The following GPR89A variants were observed in gnomAD, a reference collection of about 807,000 sequenced individuals.
GPR89A encodes the protein G protein-coupled receptor 89A.
Under a neutral mutation model 52.0 loss-of-function variants are expected in GPR89A, and 16 were observed. The ratio of observed to expected loss-of-function variants is 0.31; its 90% confidence interval spans 0.21 to 0.47. The LOEUF is 0.47. GPR89A is among the 20% of genes least tolerant of loss of function. The probability of loss-of-function intolerance (pLI) is 1.00; values close to 1 mark genes in which losing one functional copy is unlikely to be tolerated. For missense variants in GPR89A, 135 were observed against 449.4 expected, an observed-to-expected ratio of 0.30 and a Z score of 6.33; for synonymous variants, 55 against 150.9, an observed-to-expected ratio of 0.36 and a Z score of 4.66.
intron 7 of GPR89A, among the ~76,000 whole-genome samples, chr1:145,635,112 C>T (rs1571498014): frequency 6.6e-6 from 1 of 152,204 alleles, no homozygotes; most frequent in East Asian, 1.9e-4. Context: ...TAAGAGATAA[C>T]ATTAGACATA....
chr1:145,663,559 G>A (rs587673927), intron 11 of GPR89A, 135 bp downstream of exon 11: 75 of 655,722 alleles, frequency 1.1e-4, no homozygotes, highest in East Asian at 6.7e-4. Context: ...ATATTTTGAC[G>A]TATTCACATG....
chr1:145,643,322 C>T (rs1426294540), intron 7 of GPR89A, among the ~76,000 whole-genome samples: 2 of 150,726 alleles, frequency 1.3e-5, no homozygotes, highest in Non-Finnish European at 3.0e-5. Context: ...TGGGTCACCA[C>T]GCCCAGCTAA....
At chr1:145,641,737 G>A (rs1650668796) in intron 7 of GPR89A, among the ~76,000 whole-genome samples, 1 of 151,582 alleles carries the variant, frequency 6.6e-6, no homozygotes, top group Non-Finnish European at 1.5e-5. Context: ...ATGACATTGG[G>A]CTAATAACAA....
intron 1 of GPR89A, among the ~76,000 whole-genome samples, chr1:145,610,137 G>A (rs587633127): frequency 6.6e-6 from 1 of 152,060 alleles, no homozygotes; most frequent in African/African-American, 2.4e-5. Context: ...GAGTTGTAGT[G>A]AATATTTGTT....
intron 8 of GPR89A, chr1:145,645,424 CG>C (rs1190331116): frequency 2.8e-6 from 1 of 360,444 alleles, no homozygotes; most frequent in Non-Finnish European, 5.4e-6. Flanking sequence ...GCCAATAATA[CG>C]GGTTTGAGCT....
intron 10 of GPR89A, among the ~76,000 whole-genome samples, chr1:145,657,966 T>A (rs1553694790): frequency 6.6e-6 from 1 of 151,946 alleles, no homozygotes; most frequent in African/African-American, 2.4e-5. Context: ...TTTTGAACAT[T>A]TTTATCAAGC....
At chr1:145,647,792 A>C in intron 10 of GPR89A, among the ~76,000 whole-genome samples, 1 of 66,004 alleles carries the variant, frequency 1.5e-5, no homozygotes, top group Non-Finnish European at 2.7e-5. Context: ...GGAGAGGGCG[A>C]GACTCCATCT....
At chr1:145,629,732 G>A (rs1188423652) in intron 5 of GPR89A, among the ~76,000 whole-genome samples, 3 of 151,694 alleles carry the variant, frequency 2.0e-5, no homozygotes, top group Non-Finnish European at 4.4e-5. Flanking sequence ...CAGCAAGCCT[G>A]GAGTCCAAGC....
intron 10 of GPR89A, among the ~76,000 whole-genome samples, chr1:145,657,390 CAA>C (rs782628681): frequency 8.7e-6 from 1 of 114,464 alleles, no homozygotes. Context: ...GACTCTGTCT[CAA>C]AAAAAAAAAA....
chr1:145,669,548 G>T (rs1157227147), intron 12 of GPR89A, 77 bp from the exon 13 acceptor site: 2 of 1,461,388 alleles, frequency 1.4e-6, no homozygotes, highest in African/African-American at 2.9e-5. Context: ...TTAATCAAAT[G>T]TTAACCATAT....
At chr1:145,655,492 T>C (rs1238586136) in intron 10 of GPR89A, among the ~76,000 whole-genome samples, 1 of 152,080 alleles carries the variant, frequency 6.6e-6, no homozygotes, top group African/African-American at 2.4e-5. Flanking sequence ...TTGTGGGGTC[T>C]TTTTTTGTTG....
At chr1:145,665,799 C>T in intron 12 of GPR89A, 148 bp downstream of exon 12, 1 of 499,238 alleles carries the variant, frequency 2.0e-6, no homozygotes. Context: ...TCGAGTCCAT[C>T]CTAGCCAACA....
chr1:145,610,047 T>G (rs1648144096), intron 1 of GPR89A, among the ~76,000 whole-genome samples: 1 of 152,190 alleles, frequency 6.6e-6, no homozygotes, highest in Non-Finnish European at 1.5e-5. Flanking sequence ...GTTTGTTATC[T>G]GTCCATGAGG....
At chr1:145,615,798 T>C (rs1262505541) in intron 1 of GPR89A, among the ~76,000 whole-genome samples, 1 of 151,948 alleles carries the variant, frequency 6.6e-6, no homozygotes, top group African/African-American at 2.4e-5. Flanking sequence ...TTTTGTATTT[T>C]CAGTAGAGAC....
chr1:145,608,064 C>T lies in GPR89A; in HGVS notation c.-70C>T, dbSNP rs1187651928. 9 of 1,587,108 alleles carry T rather than the reference C, an allele frequency of 5.7e-6. No individual in the cohort carries two copies. Among genetic ancestry groups the T allele is most frequent in the East Asian group, 2.2e-5 (1 of 44,678 alleles). ...GGAGAAGGCAGACCGTGTGAGGGGG[C>T]CTGTGGCCCCAGCGTGCTGTGGCCT... On this transcript the variant is annotated 5_prime_UTR_variant, in exon 1 of 14. Coordinates refer to ENST00000313835, the MANE Select transcript of GPR89A (RefSeq NM_001097612.2).
rs587714869 is a variant in GPR89A, at chr1:145,666,873, G to A, written c.1095+1222G>A. ...CCAGCTTCATCCATGTCCCTACAAAGGACATGAACTCATCCTTTTTTGTGG... is the reference window on the plus strand; with the variant it reads ...CCAGCTTCATCCATGTCCCTACAAAAGACATGAACTCATCCTTTTTTGTGG... On this transcript the variant is annotated intron_variant, in intron 12 of 13. Coordinates refer to ENST00000313835, the MANE Select transcript of GPR89A (RefSeq NM_001097612.2). Among the ~76,000 whole-genome samples, 10 of 152,158 alleles carry A rather than the reference G, an allele frequency of 6.6e-5. No individual in the cohort carries two copies. In the East Asian group the frequency reaches 1.9e-3, roughly 29 times the overall value.
chr1:145,661,615 C>G (rs1280700736), intron 10 of GPR89A, among the ~76,000 whole-genome samples: 1 of 143,566 alleles, frequency 7.0e-6, no homozygotes, highest in Non-Finnish European at 1.5e-5. Flanking sequence ...TTCAAAGAAC[C>G]AACTTTTGGG....
intron 5 of GPR89A, among the ~76,000 whole-genome samples, chr1:145,628,700 G>A (rs1432614509): frequency 6.6e-6 from 1 of 152,190 alleles, no homozygotes; most frequent in African/African-American, 2.4e-5. Context: ...GGTGCTTGGT[G>A]AATATTACCT....
intron 1 of GPR89A, among the ~76,000 whole-genome samples, chr1:145,615,334 T>A (rs1287596138): frequency 2.0e-5 from 3 of 152,192 alleles, no homozygotes; most frequent in Non-Finnish European, 4.4e-5. Flanking sequence ...TTTTATTTTT[T>A]AAATTAATTT....
Sources: allele counts gnomAD v4.1 joint callset (sites outside exome capture counted in the v4.1 genomes callset), GRCh38; gene constraint gnomAD v4.1.1; transcripts MANE v1.5; gene names NCBI Gene and HGNC (gene_info 2026-07-23, HGNC 2026-07-21).